CLNK: variants seen among roughly 807,000 people sequenced by gnomAD.
CLNK encodes the protein cytokine dependent hematopoietic cell linker, also known as cytokine-dependent hematopoietic cell linker.
Under a neutral mutation model 68.6 loss-of-function variants are expected in CLNK, and 74 were observed. The ratio of observed to expected loss-of-function variants is 1.08; its 90% CI spans 0.89 to 1.31. The LOEUF (loss-of-function observed/expected upper bound fraction) is 1.31. Among genes scored for constraint, CLNK ranks in the 50% most tolerant of loss-of-function variants. The pLI, the probability that CLNK is intolerant of heterozygous loss-of-function variation, is 0.00. For synonymous variants in CLNK, 198 were observed against 172.2 expected (o/e 1.15, Z -1.17); for missense variants, 553 against 515.3 (o/e 1.07, Z -0.71).
rs1383224180 is a variant in CLNK, at chr4:10,566,019, A to G, written c.282T>C (p.Ser94=). 51 of 1,613,666 alleles carry G rather than the reference A, an allele frequency of 3.2e-5. No homozygotes were observed. The highest frequency in any genetic ancestry group is 4.2e-5 in the Non-Finnish European group (50 of 1,179,772). ...ACCCCCAAACGTTACCTGCATATTC[A>G]GATTCCTTTATAGGCCGGGCTGGTA... ...KILPARPIKE[S]EYADTHYFKV... is the part of the protein sequence containing the mutation. Residue 94 remains serine (S), a synonymous_variant, in exon 6 of 19, where the codon TCT becomes TCC. Transcript: ENST00000226951.
the CLNK span, among the ~76,000 whole-genome samples, chr4:10,727,482 T>C: frequency 7.2e-5 from 11 of 152,360 alleles, no homozygotes; most frequent in African/African-American, 2.6e-4. Flanking sequence ...TCCTGCTTCA[T>C]AGTTTCCTCC....
intron 2 of CLNK, chr4:10,656,488 A>C (rs1246758277): frequency 2.0e-5 from 3 of 152,160 alleles, no homozygotes; most frequent in African/African-American, 7.2e-5. Flanking sequence ...TAGTCAAAAA[A>C]TACAGATTAA....
intron 18 of CLNK, among the ~76,000 whole-genome samples, chr4:10,497,066 GT>G (rs1435076052): frequency 1.3e-5 from 2 of 152,220 alleles, no homozygotes; most frequent in African/African-American, 4.8e-5. Flanking sequence ...GGAAGTCAAT[GT>G]TTTGCAAACT....
chr4:10,659,281 G>T (rs546045019), intron 2 of CLNK, among the ~76,000 whole-genome samples: 1 of 152,350 alleles, frequency 6.6e-6, no homozygotes, highest in Non-Finnish European at 1.5e-5. Flanking sequence ...GATTCAATTG[G>T]CTACAGCGCC....
the CLNK span, among the ~76,000 whole-genome samples, chr4:10,719,473 C>T: frequency 2.0e-5 from 3 of 151,904 alleles, no homozygotes; most frequent in Admixed American, 6.6e-5. Context: ...TAGAGAGGAA[C>T]ATAATATGAT....
chr4:10,619,758 C>A (rs373773115), intron 2 of CLNK, among the ~76,000 whole-genome samples: 196 of 152,310 alleles, frequency 1.3e-3, no homozygotes, highest in African/African-American at 4.2e-3. Context: ...GTGATCCACA[C>A]AGGCTCTCAA....
intron 1 of CLNK, among the ~76,000 whole-genome samples, chr4:10,683,152 T>C (rs189054026): frequency 6.6e-6 from 1 of 152,310 alleles, no homozygotes; most frequent in Admixed American, 6.5e-5. Context: ...ATGAGGATCA[T>C]ATATGAAACA....
chr4:10,519,555 C>T (rs571698809), intron 15 of CLNK, among the ~76,000 whole-genome samples: 2 of 152,126 alleles, frequency 1.3e-5, no homozygotes, highest in African/African-American at 4.8e-5. Context: ...TTTTAGCCCT[C>T]TTTGGGCACC....
chr4:10,528,301 G>C (rs916162066), intron 12 of CLNK, among the ~76,000 whole-genome samples: 3 of 152,198 alleles, frequency 2.0e-5, no homozygotes, highest in Non-Finnish European at 4.4e-5. Context: ...CGAAGGAACA[G>C]ACAAGTCCAC....
At chr4:10,603,270 T>C (rs528678654) in intron 2 of CLNK, among the ~76,000 whole-genome samples, 1 of 152,348 alleles carries the variant, frequency 6.6e-6, no homozygotes, top group African/African-American at 2.4e-5. Context: ...AGTTTGATTT[T>C]TGGCACAAAC....
intron 2 of CLNK, among the ~76,000 whole-genome samples, chr4:10,666,911 G>T (rs1443792686): frequency 6.6e-6 from 1 of 152,158 alleles, no homozygotes; most frequent in Non-Finnish European, 1.5e-5. Context: ...CACAGCACCT[G>T]CTACTCTCTC....
intron 2 of CLNK, among the ~76,000 whole-genome samples, chr4:10,655,944 C>G (rs1421467416): frequency 6.6e-6 from 1 of 151,834 alleles, no homozygotes; most frequent in Admixed American, 6.6e-5. Context: ...CCACTGCGCC[C>G]GGCCGATAGC....
chr4:10,592,096 C>T (rs1425646850), intron 3 of CLNK, among the ~76,000 whole-genome samples: 1 of 152,190 alleles, frequency 6.6e-6, no homozygotes, highest in Non-Finnish European at 1.5e-5. Flanking sequence ...ACCTGTGGCA[C>T]TTCTTACTCG....
chr4:10,722,693 G>A, the CLNK span, among the ~76,000 whole-genome samples: 4 of 152,188 alleles, frequency 2.6e-5, no homozygotes, highest in Non-Finnish European at 5.9e-5. Context: ...ACACTCCACA[G>A]GGTGGGAGTG....
intron 11 of CLNK, among the ~76,000 whole-genome samples, chr4:10,538,821 G>A (rs1307376665): frequency 6.6e-6 from 1 of 152,128 alleles, no homozygotes; most frequent in Non-Finnish European, 1.5e-5. Context: ...TATTCTATGG[G>A]GCAACATAGG....
intron 5 of CLNK, among the ~76,000 whole-genome samples, chr4:10,567,531 A>G (rs1720169074): frequency 6.6e-6 from 1 of 152,232 alleles, no homozygotes; most frequent in Admixed American, 6.5e-5. Context: ...GGCAATGATT[A>G]CTTAGATAGA....
At chr4:10,534,813 C>T (rs1286046683) in intron 11 of CLNK, among the ~76,000 whole-genome samples, 1 of 152,120 alleles carries the variant, frequency 6.6e-6, no homozygotes, top group African/African-American at 2.4e-5. Flanking sequence ...GTGCCCTATA[C>T]CCAGTTTCCC....
At chr4:10,640,897 T>G (rs1430516449) in intron 2 of CLNK, among the ~76,000 whole-genome samples, 1 of 152,210 alleles carries the variant, frequency 6.6e-6, no homozygotes, top group East Asian at 1.9e-4. Context: ...AGCCTGTGTT[T>G]CAAGCTTCAG....
chr4:10,631,261 G>A (rs922299505), intron 2 of CLNK, among the ~76,000 whole-genome samples: 1 of 152,164 alleles, frequency 6.6e-6, no homozygotes, highest in Non-Finnish European at 1.5e-5. Flanking sequence ...AGTGTCTAAG[G>A]TATGTGTCCT....
Sources: allele counts gnomAD v4.1 joint callset (sites outside exome capture counted in the v4.1 genomes callset), GRCh38; gene constraint gnomAD v4.1.1; transcripts MANE v1.5; gene names NCBI Gene and HGNC (gene_info 2026-07-23, HGNC 2026-07-21).